Variants in SGCZ observed in about 807,000 individuals in gnomAD.
SGCZ encodes the protein sarcoglycan zeta, also known as zeta-sarcoglycan.
In SGCZ, 40 loss-of-function variants were observed where a neutral mutation model predicts 41.3. The observed-to-expected ratio is 0.97, with a 90% CI of 0.75 to 1.26. The LOEUF (loss-of-function observed/expected upper bound fraction) is 1.26. Among genes scored for constraint, SGCZ ranks in the 50% most tolerant of loss-of-function variants. The pLI is 0.00. For missense variants in SGCZ, 552 were observed against 369.8 expected (o/e 1.49, Z -4.04); for synonymous variants, 206 against 137.5 (o/e 1.50, Z -3.49).
intron 2 of SGCZ, among the ~76,000 whole-genome samples, chr8:14,442,108 G>C (rs1439820224): frequency 6.6e-6 from 1 of 152,154 alleles, no homozygotes; most frequent in Non-Finnish European, 1.5e-5. Context: ...CTTTTCCTGA[G>C]ATCACTGAAA....
At chr8:14,786,322 T>C (rs1800766325) in intron 1 of SGCZ, among the ~76,000 whole-genome samples, 1 of 152,134 alleles carries the variant, frequency 6.6e-6, no homozygotes, top group Non-Finnish European at 1.5e-5. Flanking sequence ...AATACATAAG[T>C]TCCCTAAAGT....
intron 1 of SGCZ, among the ~76,000 whole-genome samples, chr8:14,715,105 T>C (rs1809645589): frequency 6.6e-6 from 1 of 152,176 alleles, no homozygotes; most frequent in Non-Finnish European, 1.5e-5. Flanking sequence ...AAAAGAACAC[T>C]TGTCTACGAT....
chr8:14,323,097 T>A (rs1801983513), intron 3 of SGCZ, among the ~76,000 whole-genome samples: 1 of 152,100 alleles, frequency 6.6e-6, no homozygotes, highest in Non-Finnish European at 1.5e-5. Context: ...TACAGTATAT[T>A]AGAAGCTGTA....
In SGCZ at chr8:14,583,758, T is replaced by G. The variant is rs186376602; in HGVS notation, c.40-28832A>C. Among the ~76,000 whole-genome samples the G allele has an allele frequency of 5.9e-5, 9 of 152,176 alleles. No homozygotes were observed. The South Asian group carries it at 1.9e-3, about 31-fold the overall frequency. On this transcript the variant is annotated intron_variant, in intron 1 of 7. Coordinates refer to ENST00000382080, the MANE Select transcript of SGCZ (RefSeq NM_139167.4). ...TTTCAGAGAGTAAAAATGTCTATTA[T>G]TTATCAATAAGCATGCCAATCATCT...
chr8:14,152,072 T>C (rs1803726634), intron 5 of SGCZ, among the ~76,000 whole-genome samples: 1 of 152,040 alleles, frequency 6.6e-6, no homozygotes, highest in Non-Finnish European at 1.5e-5. Flanking sequence ...TTTAAAAAAA[T>C]AGGCATTGGA....
Position 14,090,445 on chromosome 8 carries a change from A to G in SGCZ, c.937T>C (p.Ter313ArgextTer3). The change falls in exon 8 of 8, where the codon TGA becomes CGA. Residue 313 changes from the stop codon to arginine, a stop_lost. Transcript: ENST00000382080. Reference protein sequence around the residue: ...QSSSNICLWS* With the variant: ...QSSSNICLWSR The stretch of plus-strand genomic sequence containing the variant: ...GGTGTGAGGAGAAATCAGTCACTTC[A>G]GCTCCACAGGCAGATGTTGCTACTG... 1.2e-6 allele frequency: 2 copies of G among 1,611,484 alleles called. No homozygotes were observed. Among genetic ancestry groups the G allele is most frequent in the Non-Finnish European group, 8.5e-7 (1 of 1,178,650 alleles).
chr8:14,354,540 A>T (rs1803223344), intron 2 of SGCZ, among the ~76,000 whole-genome samples: 1 of 151,746 alleles, frequency 6.6e-6, no homozygotes, highest in South Asian at 2.1e-4. Flanking sequence ...TCCAATATAT[A>T]TAGTATACTA....
chr8:14,346,729 G>C (rs954417444), intron 2 of SGCZ, among the ~76,000 whole-genome samples: 1 of 151,840 alleles, frequency 6.6e-6, no homozygotes, highest in African/African-American at 2.4e-5. Flanking sequence ...ATCAGATACA[G>C]ACCATACTTT....
At position 14,840,095 on chromosome 8, in the gene SGCZ, T is replaced by C. The variant is rs188352744; in HGVS notation, c.40-285169A>G. Among the ~76,000 whole-genome samples the C allele has an allele frequency of 3.9e-5, 6 of 152,236 alleles. No individual in the cohort carries two copies. The East Asian group carries it at 9.7e-4, about 24-fold the overall frequency. The stretch of plus-strand genomic sequence containing the variant: ...TAAATTAATAAAACACTGTTACAAA[T>C]GAACACACCTTAAAGAAAGTAAATG... On this transcript the variant is annotated intron_variant, in intron 1 of 7. Transcript: ENST00000382080.
chr8:14,204,580 G>A (rs1307486287), intron 4 of SGCZ, among the ~76,000 whole-genome samples: 1 of 152,140 alleles, frequency 6.6e-6, no homozygotes, highest in Non-Finnish European at 1.5e-5. Flanking sequence ...TTCTGGGTGT[G>A]TCTGTTAGGG....
Position 14,475,525 on chromosome 8 carries a change from G to A in SGCZ, c.234+79207C>T, listed in dbSNP as rs1801333014. 2.6e-5 allele frequency among the ~76,000 whole-genome samples: 4 copies of A among 152,212 alleles called. No individual in the cohort carries two copies. The South Asian group carries it at 8.3e-4, about 32-fold the overall frequency. On this transcript the variant is annotated intron_variant, in intron 2 of 7. Transcript: ENST00000382080. Reference sequence around the variant, plus strand: ...ACCCATGTGACTCAAAATGTACTAAGATTAAATTTTCATTGTTGGCTCACA... The same window carrying A: ...ACCCATGTGACTCAAAATGTACTAAAATTAAATTTTCATTGTTGGCTCACA...
At chr8:14,715,271 T>A (rs1483085906) in intron 1 of SGCZ, among the ~76,000 whole-genome samples, 1 of 151,982 alleles carries the variant, frequency 6.6e-6, no homozygotes, top group Non-Finnish European at 1.5e-5. Flanking sequence ...TACCTCCTCC[T>A]AATAGAGTAT....
intron 1 of SGCZ, among the ~76,000 whole-genome samples, chr8:15,001,448 G>C (rs867135066): frequency 6.6e-6 from 1 of 152,160 alleles, no homozygotes; most frequent in African/African-American, 2.4e-5. Context: ...GTGGAGGGTA[G>C]GCCGGGCATG....
intron 2 of SGCZ, among the ~76,000 whole-genome samples, chr8:14,412,412 G>T (rs920253111): frequency 2.0e-5 from 3 of 152,060 alleles, no homozygotes; most frequent in Non-Finnish European, 4.4e-5. Context: ...GCGTACATTT[G>T]AATGTCTAGT....
intron 1 of SGCZ, among the ~76,000 whole-genome samples, chr8:14,851,770 G>C (rs756583889): frequency 2.0e-5 from 3 of 151,748 alleles, no homozygotes; most frequent in Non-Finnish European, 4.4e-5. Context: ...GAGATGTTTG[G>C]ACTTCAGAGC....
At chr8:14,196,226 A>G (rs913971806) in intron 4 of SGCZ, among the ~76,000 whole-genome samples, 5 of 151,810 alleles carry the variant, frequency 3.3e-5, no homozygotes, top group Non-Finnish European at 7.4e-5. Flanking sequence ...AACTAAATCA[A>G]TAAGAAGATA....
At chr8:14,284,015 G>A (rs551459897) in intron 3 of SGCZ, among the ~76,000 whole-genome samples, 4 of 152,102 alleles carry the variant, frequency 2.6e-5, no homozygotes, top group Non-Finnish European at 5.9e-5. Flanking sequence ...GTAAATTTAA[G>A]ATTTCTTAAT....
intron 3 of SGCZ, among the ~76,000 whole-genome samples, chr8:14,270,097 C>T (rs989724224): frequency 9.2e-5 from 14 of 151,934 alleles, no homozygotes; most frequent in Non-Finnish European, 1.9e-4. Context: ...TTTGGGAGGC[C>T]GAGGCAAGTG....
rs386722651 is a variant in SGCZ, at chr8:14,604,421, AT to A, written c.40-49496del. Among the ~76,000 whole-genome samples the A allele has an allele frequency of 1.1e-3, 167 of 145,682 alleles. 2 individuals carry two copies. Among genetic ancestry groups the A allele is most frequent in the Middle Eastern group, 3.6e-3 (1 of 280 alleles). ...ATGGGGTGACAATCTATAAGCCATGATTTTTTTTTTATCTGTGCACTAGAGC... is the reference window on the plus strand; with the variant it reads ...ATGGGGTGACAATCTATAAGCCATGATTTTTTTTTATCTGTGCACTAGAGC... On this transcript the variant is annotated intron_variant, in intron 1 of 7. Transcript: ENST00000382080.
Sources: allele counts gnomAD v4.1 joint callset (sites outside exome capture counted in the v4.1 genomes callset), GRCh38; gene constraint gnomAD v4.1.1; transcripts MANE v1.5; gene names NCBI Gene and HGNC (gene_info 2026-07-23, HGNC 2026-07-21).